The following TAMALIN variants were observed in gnomAD, a reference collection of about 807,000 sequenced individuals.
TAMALIN encodes the protein protein TAMALIN.
Under a neutral mutation model 38.5 loss-of-function variants are expected in TAMALIN, and 9 were observed. That is an observed-to-expected ratio of 0.23 (90% CI 0.14 to 0.41). The LOEUF (loss-of-function observed/expected upper bound fraction) is 0.41. TAMALIN is among the 10% of genes least tolerant of loss of function. TAMALIN has a pLI of 1.00. For missense variants in TAMALIN, 548 were observed against 554.1 expected (o/e 0.99, Z 0.11); for synonymous variants, 306 against 256.5 (o/e 1.19, Z -1.85).
chr12:52,014,660 T>A, intron 7 of TAMALIN, 34 bp from the exon 8 acceptor site: 1 of 1,436,026 alleles, frequency 7.0e-7, no homozygotes, highest in Non-Finnish European at 9.1e-7. Flanking sequence ...GGTCCAGGCC[T>A]GACCCGCCCC....
Position 52,015,060 on chromosome 12 carries a change from C to T in TAMALIN, c.1049C>T (p.Ala350Val). 2.1e-6 allele frequency: 3 copies of T among 1,410,294 alleles called. No homozygotes were observed. Among genetic ancestry groups the T allele is most frequent in the Non-Finnish European group, 1.8e-6 (2 of 1,092,414 alleles). The allele number at this position is 1,410,294 out of a possible 1,614,324, so 87.4% of individuals were successfully genotyped here. ...GGCGGAGGCGGGGGCGCGCCGGGCG[C>T]GCTCTGGACTGAGGCTCGCGAGCAG... The part of the protein sequence containing the change: ...GGGGGGGAPG[A>V]LWTEAREQAL... The change falls in exon 8 of 8, where the codon GCG becomes GTG. Residue 350 changes from alanine to valine, a missense_variant. This residue lies in a region of TAMALIN where 415 missense variants were observed against 417.0 expected (regional missense o/e 1.00). Transcript: ENST00000293662.
At chr12:52,014,453 C>CA (rs1449006959) in intron 7 of TAMALIN, 1 of 599,316 alleles carries the variant, frequency 1.7e-6, no homozygotes, top group Admixed American at 2.9e-5. Flanking sequence ...CACCAGGGCT[C>CA]AAAGAGTTTG....
chr12:52,015,640 T>A lies in TAMALIN; in HGVS notation c.*441T>A, dbSNP rs770273032. The A allele has an allele frequency of 2.1e-4, 33 of 159,472 alleles. No individual in the cohort carries two copies. Among genetic ancestry groups the A allele is most frequent in the Non-Finnish European group, 4.3e-4 (31 of 72,092 alleles). The allele number at this position is 159,472 out of a possible 1,614,324, so 9.9% of individuals were successfully genotyped here. On this transcript the variant is annotated 3_prime_UTR_variant, in exon 8 of 8. Transcript: ENST00000293662. ...CCCACCCTCCACACACACAGTTCCA[T>A]GACCCAGCGGGCCCCCAGGGGCATC...
At chr12:52,008,394 C>A in intron 1 of TAMALIN, 2 of 985,366 alleles carry the variant, frequency 2.0e-6, no homozygotes, top group South Asian at 9.4e-5. Context: ...ACCTTCATCT[C>A]TCATCCTTCC....
At position 52,011,554 on chromosome 12, in the gene TAMALIN, A is replaced by G. The variant is rs1937642649; in HGVS notation, c.454+413A>G. Among the ~76,000 whole-genome samples the G allele has an allele frequency of 6.6e-6, 1 of 152,096 alleles. No individual in the cohort carries two copies. Among genetic ancestry groups the G allele is most frequent in the African/African-American group, 2.4e-5 (1 of 41,410 alleles). ...GGGATCAGGCCAATCCTGCCCCAAA[A>G]TGGGCCCAGTGCTGAGGAACCGATG... On this transcript the variant is annotated intron_variant, in intron 4 of 7. Transcript: ENST00000293662. This position sits in a 1 kb window ranked among gnomAD's most constrained non-coding sequence, Gnocchi z 5.3.
chr12:52,013,180 C>T (rs1937697740), intron 4 of TAMALIN, among the ~76,000 whole-genome samples: 1 of 149,310 alleles, frequency 6.7e-6, no homozygotes, highest in Non-Finnish European at 1.5e-5. Context: ...CGGGTTCACG[C>T]CATTCTCCTG....
At chr12:52,010,368 G>A (rs1942482779) in intron 2 of TAMALIN, 3 of 262,510 alleles carry the variant, frequency 1.1e-5, no homozygotes, top group African/African-American at 4.6e-5. Flanking sequence ...CCTTCAGTGC[G>A]GGAAGGGGCG....
In TAMALIN at chr12:52,007,174, C is replaced by T. The variant is rs1343168452; in HGVS notation, c.155C>T (p.Ala52Val). The T allele has an allele frequency of 6.6e-7, 1 of 1,505,372 alleles. No homozygotes were observed. Among genetic ancestry groups the T allele is most frequent in the South Asian group, 1.3e-5 (1 of 79,666 alleles). The allele number at this position is 1,505,372 out of a possible 1,614,324, so 93.3% of individuals were successfully genotyped here. A position where few individuals can be genotyped will look rare whatever the true frequency, so the allele number is the denominator to read the frequency against. ...PAAAATPGPP[A>V]DELYAALEDY... Reference sequence around the variant, plus strand: ...GCAGCCGCCACCCCTGGGCCCCCAGCGGACGAGCTGTACGCGGCGCTGGAG... The same window carrying T: ...GCAGCCGCCACCCCTGGGCCCCCAGTGGACGAGCTGTACGCGGCGCTGGAG... The change falls in exon 1 of 8, where the codon GCG becomes GTG. Residue 52 changes from alanine to valine, a missense_variant. Physicochemically the swap from Ala to Val is moderately conservative, Grantham distance 64. Coordinates refer to ENST00000293662, the MANE Select transcript of TAMALIN (RefSeq NM_181711.4). The surrounding 1 kb of genome is among the most constrained non-coding windows in gnomAD (Gnocchi z 6.7).
intron 6 of TAMALIN, 48 bp from the exon 7 acceptor site, chr12:52,014,087 T>C (rs1408553827): frequency 5.0e-6 from 8 of 1,584,314 alleles, no homozygotes; most frequent in Non-Finnish European, 6.9e-6. Flanking sequence ...CACGTCCTGC[T>C]AGTTTCCTGC....
chr12:52,008,678 C>T, intron 1 of TAMALIN: 1 of 985,390 alleles, frequency 1.0e-6, no homozygotes, highest in Non-Finnish European at 1.2e-6. Context: ...TCCCTGACCC[C>T]AGCCCTCCCA....
chr12:52,007,677 G>C lies in TAMALIN; in HGVS notation c.246+412G>C, dbSNP rs1942437091. On this transcript the variant is annotated intron_variant, in intron 1 of 7. Coordinates refer to ENST00000293662, the MANE Select transcript of TAMALIN (RefSeq NM_181711.4). This position sits in a 1 kb window ranked among gnomAD's most constrained non-coding sequence, Gnocchi z 6.7. ...TCCGAGAGCCCCCGGTGGGAGAAGC[G>C]GGCCGGTGGCTGCGCCGCGTGCGTT... 1 of 985,382 alleles carries C rather than the reference G, an allele frequency of 1.0e-6. No individual in the cohort carries two copies. The highest frequency in any genetic ancestry group is 1.2e-6 in the Non-Finnish European group (1 of 829,914). 61.0% of individuals were successfully genotyped at this position (985,382 alleles called of 1,614,324 possible).
At position 52,013,702 on chromosome 12, in the gene TAMALIN, G is replaced by T; in HGVS notation, c.470G>T (p.Ser157Ile). Residue 157 changes from serine to isoleucine, a missense_variant, in exon 5 of 8, where the codon AGC becomes ATC. Coordinates refer to ENST00000293662, the MANE Select transcript of TAMALIN (RefSeq NM_181711.4). ...TGCCTGGCAGGGGACACCATCGCCA[G>T]CGTCAATGGCCTGAATGTGGAAGGC... ...AGLTPGDTIA[S>I]VNGLNVEGIR... 6.8e-6 allele frequency: 11 copies of T among 1,614,136 alleles called. No homozygotes were observed. The highest frequency in any genetic ancestry group is 9.3e-6 in the Non-Finnish European group (11 of 1,179,986).
At chr12:52,008,618 C>T in intron 1 of TAMALIN, 1 of 985,472 alleles carries the variant, frequency 1.0e-6, no homozygotes, top group African/African-American at 1.7e-5. Flanking sequence ...GGAGACCTGG[C>T]ACCTCTGACC....
rs779961496 is a variant in TAMALIN at position 52,010,916 on chromosome 12, C to T, written c.332C>T (p.Thr111Ile). 7.1e-5 allele frequency: 114 copies of T among 1,614,072 alleles called. No homozygotes were observed. Among genetic ancestry groups the T allele is most frequent in the Non-Finnish European group, 9.2e-5 (109 of 1,180,042 alleles). ...ACGTTGGAGAAGGAGGATAACCAGA[C>T]CTTCGGCTTTGAGATCCAGGTGGGA... ...VLTLEKEDNQ[T>I]FGFEIQTYGL... Residue 111 changes from threonine to isoleucine, a missense_variant, in exon 3 of 8, where the codon ACC becomes ATC. Physicochemically the swap from Thr to Ile is moderately conservative, Grantham distance 89. Coordinates refer to ENST00000293662, the MANE Select transcript of TAMALIN (RefSeq NM_181711.4).
In TAMALIN at chr12:52,010,884, A is replaced by G; in HGVS notation, c.300A>G (p.Lys100=). 7 of 1,614,092 alleles carry G rather than the reference A, an allele frequency of 4.3e-6. No individual in the cohort carries two copies. The highest frequency in any genetic ancestry group is 5.1e-6 in the Non-Finnish European group (6 of 1,180,028). ...TTGACCCCTGTGTCTCTTGCAGGAA[A>G]GTGCTGACGTTGGAGAAGGAGGATA... The part of the protein sequence containing the change: ...NLSQSPEQQR[K]VLTLEKEDNQ... Residue 100 remains lysine, a synonymous_variant, in exon 3 of 8, where the codon AAA becomes AAG. Coordinates refer to ENST00000293662, the MANE Select transcript of TAMALIN (RefSeq NM_181711.4).
chr12:52,008,960 T>C (rs1211870453), intron 1 of TAMALIN, among the ~76,000 whole-genome samples: 1 of 152,136 alleles, frequency 6.6e-6, no homozygotes, highest in African/African-American at 2.4e-5. Flanking sequence ...CCCAGGAGGA[T>C]GGTTGTGTCC....
chr12:52,007,614 C>T lies in TAMALIN; in HGVS notation c.246+349C>T, dbSNP rs1942435990. ...GTGTCCTGGGTCCCCAGGAGCCCCT[C>T]GCCCGAGGGACAGAGACAGCCCCAG... On this transcript the variant is annotated intron_variant, in intron 1 of 7. Coordinates refer to ENST00000293662, the MANE Select transcript of TAMALIN (RefSeq NM_181711.4). The surrounding 1 kb of genome is among the most constrained non-coding windows in gnomAD (Gnocchi z 6.7). 2.0e-6 allele frequency: 2 copies of T among 985,216 alleles called. No homozygotes were observed. The highest frequency in any genetic ancestry group is 1.7e-5 in the African/African-American group (1 of 57,236). 61.0% of individuals were successfully genotyped at this position (985,216 alleles called of 1,614,324 possible).
rs1267561849 is a variant in TAMALIN, at chr12:52,011,835, C to T, written c.454+694C>T. The stretch of plus-strand genomic sequence containing the variant: ...AGGTTCCAGGAAGGGCAGCCTGAAA[C>T]TGTATGAATCAATCCCCCCTCCACC... On this transcript the variant is annotated intron_variant, in intron 4 of 7. Coordinates refer to ENST00000293662, the MANE Select transcript of TAMALIN (RefSeq NM_181711.4). This position sits in a 1 kb window ranked among gnomAD's most constrained non-coding sequence, Gnocchi z 5.3. 6.6e-6 allele frequency among the ~76,000 whole-genome samples: 1 copy of T among 152,182 alleles called. No individual in the cohort carries two copies. The highest frequency in any genetic ancestry group is 1.5e-5 in the Non-Finnish European group (1 of 68,038).
At position 52,014,906 on chromosome 12, in the gene TAMALIN, C is replaced by T; in HGVS notation, c.895C>T (p.Pro299Ser). ...CGGGGACTCCGAGCCGCCGGCGCTG[C>T]CGCCCCCGCCGCCCCCGGCCCGCGC... ...FFGDSEPPAL[P>S]PPPPPARAFG... is the part of the protein sequence containing the mutation. The change falls in exon 8 of 8, where the codon CCG becomes TCG. Residue 299 changes from proline (P) to serine (S), a missense_variant. Coordinates refer to ENST00000293662, the MANE Select transcript of TAMALIN (RefSeq NM_181711.4). The T allele has an allele frequency of 1.8e-6, 2 of 1,123,364 alleles. No homozygotes were observed. The highest frequency in any genetic ancestry group is 1.1e-6 in the Non-Finnish European group (1 of 911,868). The allele number at this position is 1,123,364 out of a possible 1,614,324, so 69.6% of individuals were successfully genotyped here.
Sources: gnomAD v4.1 joint callset for allele counts (sites outside exome capture counted in the v4.1 genomes callset) on GRCh38, gnomAD v4.1.1 for gene constraint, gnomAD v4.1.1 regional missense constraint, Gnocchi (gnomAD v3.1) non-coding constraint, MANE v1.5 for transcripts, NCBI Gene and HGNC (gene_info 2026-07-23, HGNC 2026-07-21) for gene names.